The following FBXL17 variants were observed in gnomAD, a reference collection of about 807,000 sequenced individuals.
The protein encoded by FBXL17 is F-box and leucine rich repeat protein 17.
In FBXL17, 22 loss-of-function variants were observed where a neutral mutation model predicts 66.2. The observed-to-expected ratio is 0.33, with a 90% CI of 0.24 to 0.47. The LOEUF is 0.47. Ranked by LOEUF, FBXL17 falls within the 20% of genes least tolerant of loss-of-function variation. The pLI is 1.00. For missense variants in FBXL17, 878 were observed against 948.2 expected (o/e 0.93, Z 0.97); for synonymous variants, 474 against 400.5 (o/e 1.18, Z -2.19).
At chr5:108,235,890 C>G (rs1158676989) in intron 4 of FBXL17, among the ~76,000 whole-genome samples, 1 of 152,168 alleles carries the variant, frequency 6.6e-6, no homozygotes, top group African/African-American at 2.4e-5. Context: ...TGAAGAAATA[C>G]ATTTTTTGAT....
chr5:108,108,914 G>C (rs1449848399), intron 6 of FBXL17, among the ~76,000 whole-genome samples: 2 of 151,786 alleles, frequency 1.3e-5, no homozygotes, highest in African/African-American at 4.8e-5. Flanking sequence ...CTCCTGAGTA[G>C]CTGGGATTAC....
At chr5:107,976,226 G>C (rs1752578781) in intron 7 of FBXL17, among the ~76,000 whole-genome samples, 1 of 152,172 alleles carries the variant, frequency 6.6e-6, no homozygotes, top group African/African-American at 2.4e-5. Flanking sequence ...AAAAACAGAA[G>C]AATCTAGGAT....
intron 6 of FBXL17, among the ~76,000 whole-genome samples, chr5:108,094,074 CT>C (rs1162084739): frequency 6.6e-6 from 1 of 152,124 alleles, no homozygotes; most frequent in African/African-American, 2.4e-5. Flanking sequence ...AGTGTGCTCT[CT>C]GAGTGCTGCA....
At chr5:108,351,280 A>G (rs1459148949) in intron 3 of FBXL17, among the ~76,000 whole-genome samples, 1 of 152,216 alleles carries the variant, frequency 6.6e-6, no homozygotes, top group African/African-American at 2.4e-5. Context: ...GACACAGGGA[A>G]GGAAGTATAA....
At chr5:108,077,662 CAAA>C (rs5870293) in intron 6 of FBXL17, among the ~76,000 whole-genome samples, 14 of 133,952 alleles carry the variant, frequency 1.0e-4, no homozygotes, top group Non-Finnish European at 8.0e-5. Flanking sequence ...GATCCTATCT[CAAA>C]AAAAAAAAAA....
In FBXL17 at chr5:108,301,841, A is replaced by G. The variant is rs143248385; in HGVS notation, c.1506+46558T>C. The G allele has an allele frequency of 1.1e-3, 194 of 174,398 alleles. 2 individuals carry two copies. The highest frequency in any genetic ancestry group is 3.9e-3 in the Admixed American group (60 of 15,218). The allele number at this position is 174,398 out of a possible 1,614,324, so 10.8% of individuals were successfully genotyped here. A position where few individuals can be genotyped will look rare whatever the true frequency, so the allele number is the denominator to read the frequency against. ...AAGAATGATAATTTCTATAAATTTTATAGATGCCTATCATACCAATAAATG... is the reference window on the plus strand; with the variant it reads ...AAGAATGATAATTTCTATAAATTTTGTAGATGCCTATCATACCAATAAATG... On this transcript the variant is annotated intron_variant, in intron 4 of 8. Coordinates refer to ENST00000542267, the MANE Select transcript of FBXL17 (RefSeq NM_001163315.3).
intron 4 of FBXL17, among the ~76,000 whole-genome samples, chr5:108,289,042 G>A (rs1317740888): frequency 6.6e-6 from 1 of 152,040 alleles, no homozygotes; most frequent in Admixed American, 6.6e-5. Context: ...GGGAAGTGTG[G>A]ACTCTGAAGT....
At chr5:108,129,782 T>TAA (rs140931954) in intron 6 of FBXL17, among the ~76,000 whole-genome samples, 1 of 151,514 alleles carries the variant, frequency 6.6e-6, no homozygotes, top group Non-Finnish European at 1.5e-5. Flanking sequence ...TCAAAATAAA[T>TAA]AAAAAAAATT....
chr5:108,112,841 T>G (rs1750092125), intron 6 of FBXL17, among the ~76,000 whole-genome samples: 1 of 152,236 alleles, frequency 6.6e-6, no homozygotes. Context: ...AAATATTGTA[T>G]TTTCATAAAA....
intron 4 of FBXL17, among the ~76,000 whole-genome samples, chr5:108,226,057 C>T (rs1345505854): frequency 6.6e-6 from 1 of 152,144 alleles, no homozygotes; most frequent in African/African-American, 2.4e-5. Context: ...AATAACTCTC[C>T]TAGTCCCTCT....
At chr5:108,221,324 C>T (rs1754854548) in intron 5 of FBXL17, among the ~76,000 whole-genome samples, 1 of 152,144 alleles carries the variant, frequency 6.6e-6, no homozygotes, top group South Asian at 2.1e-4. Flanking sequence ...CCAATTTTCC[C>T]TTCTAACCTA....
intron 8 of FBXL17, among the ~76,000 whole-genome samples, chr5:107,870,591 CTT>C (rs1312573602): frequency 4.9e-5 from 7 of 143,528 alleles, no homozygotes; most frequent in Non-Finnish European, 3.1e-5. Flanking sequence ...TATTTAATAC[CTT>C]TTTTTTTTTT....
intron 6 of FBXL17, among the ~76,000 whole-genome samples, chr5:108,098,802 G>GA (rs1281944093): frequency 9.5e-5 from 14 of 147,386 alleles, no homozygotes; most frequent in Admixed American, 3.4e-4. Context: ...TTTCCAAGCT[G>GA]AAAAAAAATA....
At chr5:108,359,734 C>T (rs563922338) in intron 3 of FBXL17, among the ~76,000 whole-genome samples, 1 of 152,094 alleles carries the variant, frequency 6.6e-6, no homozygotes, top group Non-Finnish European at 1.5e-5. Flanking sequence ...ATCTGTGAGA[C>T]TGTTCCATGT....
intron 7 of FBXL17, among the ~76,000 whole-genome samples, chr5:107,925,460 G>A (rs1244737246): frequency 2.0e-5 from 3 of 152,140 alleles, no homozygotes; most frequent in East Asian, 3.9e-4. Flanking sequence ...CCTGTTGCAC[G>A]TACCTGTCTG....
intron 7 of FBXL17, among the ~76,000 whole-genome samples, chr5:107,984,933 T>A (rs1752961573): frequency 6.6e-6 from 1 of 152,152 alleles, no homozygotes; most frequent in South Asian, 2.1e-4. Context: ...TTTTCTAGAG[T>A]GAAAACTTTA....
In FBXL17 at chr5:108,323,799, T is replaced by C. The variant is rs573489668; in HGVS notation, c.1506+24600A>G. Among the ~76,000 whole-genome samples, 8 of 152,058 alleles carry C rather than the reference T, an allele frequency of 5.3e-5. No individual in the cohort carries two copies. The East Asian group carries it at 1.3e-3, about 26-fold the overall frequency. Reference sequence around the variant, plus strand: ...CAAATTCTTGCATAAAAAGTCAAATTATTTCCTACAAGGGTGCCGGCACTA... The same window carrying C: ...CAAATTCTTGCATAAAAAGTCAAATCATTTCCTACAAGGGTGCCGGCACTA... On this transcript the variant is annotated intron_variant, in intron 4 of 8. Coordinates refer to ENST00000542267, the MANE Select transcript of FBXL17 (RefSeq NM_001163315.3).
chr5:107,895,152 G>A (rs1388567652), intron 7 of FBXL17, among the ~76,000 whole-genome samples: 1 of 151,838 alleles, frequency 6.6e-6, no homozygotes, highest in African/African-American at 2.4e-5. Flanking sequence ...ATTTTTTTAA[G>A]TTCTTGAGAT....
intron 3 of FBXL17, among the ~76,000 whole-genome samples, chr5:108,352,432 A>T (rs1747711317): frequency 6.6e-6 from 1 of 152,248 alleles, no homozygotes; most frequent in Non-Finnish European, 1.5e-5. Context: ...TTACAAAATC[A>T]TCACCATTAG....
Sources: allele counts gnomAD v4.1 joint callset (sites outside exome capture counted in the v4.1 genomes callset), GRCh38; gene constraint gnomAD v4.1.1; transcripts MANE v1.5; gene names NCBI Gene and HGNC (gene_info 2026-07-23, HGNC 2026-07-21).